SUCLG2: variants seen among roughly 807,000 people sequenced by gnomAD.
The protein encoded by SUCLG2 is succinate-CoA ligase GDP-forming subunit beta.
A neutral mutation model predicts 47.9 loss-of-function variants in SUCLG2; 42 were observed. That is an observed-to-expected ratio of 0.88 (90% CI 0.69 to 1.14). SUCLG2 has a LOEUF of 1.14. SUCLG2 is among the 50% of genes most tolerant of loss of function. The probability of loss-of-function intolerance (pLI) is 0.00; values close to 1 mark genes in which losing one functional copy is unlikely to be tolerated. For missense variants in SUCLG2, 571 were observed against 525.9 expected, an observed-to-expected ratio of 1.09 and a Z score of -0.84; for synonymous variants, 195 against 197.3, an observed-to-expected ratio of 0.99 and a Z score of 0.10.
Position 67,428,428 on chromosome 3 carries a change from G to A in SUCLG2, c.1063-27577C>T, listed in dbSNP as rs543672162. On this transcript the variant is annotated intron_variant, in intron 9 of 10. Coordinates refer to ENST00000307227, the MANE Select transcript of SUCLG2 (RefSeq NM_003848.4). ...AACAAACAGAAAGGACATCCACACC[G>A]AAACCCCATCTGTGCGTCACCATCA... Among the ~76,000 whole-genome samples, 5 of 152,158 alleles carry A rather than the reference G, an allele frequency of 3.3e-5. No individual in the cohort carries two copies. The South Asian group carries it at 8.3e-4, about 25-fold the overall frequency.
intron 9 of SUCLG2, among the ~76,000 whole-genome samples, chr3:67,427,454 T>G (rs578085124): frequency 6.6e-6 from 1 of 152,350 alleles, no homozygotes; most frequent in African/African-American, 2.4e-5. Context: ...TGTTGTCAAT[T>G]GACTATCTAG....
intron 7 of SUCLG2, among the ~76,000 whole-genome samples, chr3:67,500,621 T>C (rs1248241739): frequency 6.6e-6 from 1 of 152,214 alleles, no homozygotes; most frequent in Non-Finnish European, 1.5e-5. Flanking sequence ...CAGCAGTTAA[T>C]GACTGGTATA....
At chr3:67,389,294 G>A (rs1304973454) in intron 10 of SUCLG2, among the ~76,000 whole-genome samples, 6 of 152,042 alleles carry the variant, frequency 3.9e-5, no homozygotes, top group Admixed American at 1.3e-4. Context: ...AGAGAGCGTG[G>A]GAGAGGATCA....
rs1331728768 is a variant in SUCLG2 at position 67,528,236 on chromosome 3, A to ATTC, written c.327-15_327-14insGAA. On this transcript the variant is annotated splice_polypyrimidine_tract_variant and intron_variant, in intron 3 of 10. Coordinates refer to ENST00000307227, the MANE Select transcript of SUCLG2 (RefSeq NM_003848.4). Reference sequence around the variant, plus strand: ...ACAACATTAGGGCTAAGAGAAAGAGAAAACAAGCAGAAAATGAATGTTTGT... The same window carrying ATTC: ...ACAACATTAGGGCTAAGAGAAAGAGATTCAAACAAGCAGAAAATGAATGTTTGT... 6.2e-7 allele frequency: 1 copy of ATTC among 1,609,614 alleles called. No individual in the cohort carries two copies. Among genetic ancestry groups the ATTC allele is most frequent in the Non-Finnish European group, 8.5e-7 (1 of 1,176,142 alleles).
intron 6 of SUCLG2, among the ~76,000 whole-genome samples, chr3:67,512,765 C>T (rs900312931): frequency 7.3e-5 from 11 of 150,766 alleles, no homozygotes; most frequent in African/African-American, 2.0e-4. Flanking sequence ...CACTCTGTAT[C>T]GCTAAACAAA....
downstream of SUCLG2, among the ~76,000 whole-genome samples, chr3:67,372,495 C>G (rs973593210): frequency 1.3e-5 from 2 of 152,106 alleles, no homozygotes; most frequent in African/African-American, 4.8e-5. Context: ...ATAGGTGCAG[C>G]CCTTTGGTAG....
chr3:67,544,280 C>T (rs966514475), intron 2 of SUCLG2, among the ~76,000 whole-genome samples: 1 of 152,108 alleles, frequency 6.6e-6, no homozygotes, highest in African/African-American at 2.4e-5. Flanking sequence ...GGCTCTGTGT[C>T]CCCACCCAAA....
At chr3:67,435,998 G>A (rs1043067218) in intron 9 of SUCLG2, among the ~76,000 whole-genome samples, 3 of 152,152 alleles carry the variant, frequency 2.0e-5, no homozygotes, top group Admixed American at 6.5e-5. Flanking sequence ...AGATGCATAC[G>A]TTATAGCAGT....
At chr3:67,382,301 T>A (rs1702174928) in intron 10 of SUCLG2, among the ~76,000 whole-genome samples, 1 of 152,154 alleles carries the variant, frequency 6.6e-6, no homozygotes, top group Admixed American at 6.5e-5. Flanking sequence ...TGGCCCGACA[T>A]CCCCAGCAAG....
chr3:67,458,282 A>C (rs2106951679), intron 9 of SUCLG2, among the ~76,000 whole-genome samples: 1 of 152,284 alleles, frequency 6.6e-6, no homozygotes, highest in East Asian at 1.9e-4. Context: ...ATAATAACCA[A>C]AACAGTGCTT....
chr3:67,495,148 G>A (rs1415890987), intron 9 of SUCLG2, among the ~76,000 whole-genome samples: 2 of 152,114 alleles, frequency 1.3e-5, no homozygotes, highest in Non-Finnish European at 2.9e-5. Context: ...AGGAATCATA[G>A]TACTCTTCCC....
intron 10 of SUCLG2, among the ~76,000 whole-genome samples, chr3:67,361,141 A>T (rs1053896019): frequency 1.3e-5 from 2 of 151,804 alleles, no homozygotes; most frequent in African/African-American, 4.8e-5. Flanking sequence ...CCAACTGTTC[A>T]ATCTTAGGCT....
chr3:67,516,448 C>T (rs1005084254), intron 6 of SUCLG2, among the ~76,000 whole-genome samples: 1 of 152,148 alleles, frequency 6.6e-6, no homozygotes, highest in African/African-American at 2.4e-5. Context: ...CTGTTATTAA[C>T]TTCTCTAGAA....
chr3:67,462,013 T>G (rs1443605319), intron 9 of SUCLG2, among the ~76,000 whole-genome samples: 1 of 152,136 alleles, frequency 6.6e-6, no homozygotes, highest in Admixed American at 6.5e-5. Flanking sequence ...GAATTTAGTT[T>G]GCAGGAAATG....
chr3:67,512,899 T>TCA (rs921401538), intron 6 of SUCLG2, among the ~76,000 whole-genome samples: 21 of 150,052 alleles, frequency 1.4e-4, no homozygotes, highest in African/African-American at 4.0e-4. Flanking sequence ...ATATATATTT[T>TCA]CACACACACA....
intron 2 of SUCLG2, among the ~76,000 whole-genome samples, chr3:67,584,149 T>A (rs1244478395): frequency 6.6e-6 from 1 of 152,176 alleles, no homozygotes; most frequent in Non-Finnish European, 1.5e-5. Flanking sequence ...CAAATCAACA[T>A]AAATATCTAC....
chr3:67,563,679 G>A lies in SUCLG2; in HGVS notation c.227-34493C>T, dbSNP rs566572963. On this transcript the variant is annotated intron_variant, in intron 2 of 10. Transcript: ENST00000307227. ...GCTAGAAAAGAAGTACTACTAGTTG[G>A]CCGGGCGCGGTGGCTCATGTCTGTA... 1.8e-3 allele frequency among the ~76,000 whole-genome samples: 281 copies of A among 152,214 alleles called. 1 individual carries two copies. Among genetic ancestry groups the A allele is most frequent in the Non-Finnish European group, 3.2e-3 (216 of 68,012 alleles).
chr3:67,432,292 C>T (rs1248661229), intron 9 of SUCLG2, among the ~76,000 whole-genome samples: 3 of 152,152 alleles, frequency 2.0e-5, no homozygotes, highest in African/African-American at 7.2e-5. Context: ...GCATATTATA[C>T]TAGACTAAGA....
intron 10 of SUCLG2, among the ~76,000 whole-genome samples, chr3:67,394,981 T>G (rs1271023538): frequency 6.6e-6 from 1 of 152,048 alleles, no homozygotes; most frequent in East Asian, 1.9e-4. Context: ...CTGAGAGATT[T>G]TGTCACCACC....
Sources: allele counts gnomAD v4.1 joint callset (sites outside exome capture counted in the v4.1 genomes callset), GRCh38; gene constraint gnomAD v4.1.1; transcripts MANE v1.5; gene names NCBI Gene and HGNC (gene_info 2026-07-23, HGNC 2026-07-21).